Variants in RPL36AL observed in about 807,000 individuals in gnomAD.
RPL36AL encodes ribosomal protein eL42-like.
RPL36AL carries 8 observed loss-of-function variants against 7.9 expected under a neutral mutation model. The ratio of observed to expected loss-of-function variants is 1.02; its 90% CI spans 0.60 to 1.84. The LOEUF (loss-of-function observed/expected upper bound fraction) is 1.84. Among genes scored for constraint, RPL36AL ranks in the 40% most tolerant of loss-of-function variants. The pLI, the probability that RPL36AL is intolerant of heterozygous loss-of-function variation, is 0.00. For synonymous variants in RPL36AL, 44 were observed against 44.8 expected (o/e 0.98, Z 0.07); for missense variants, 76 against 126.8 (o/e 0.60, Z 1.93).
At chr14:49,619,579 G>A (rs1231473437) in intron 1 of RPL36AL, among the ~76,000 whole-genome samples, 2 of 151,868 alleles carry the variant, frequency 1.3e-5, no homozygotes, top group Admixed American at 1.3e-4. Flanking sequence ...GCCGTGAGCC[G>A]AGATCGCACC....
intron 1 of RPL36AL, among the ~76,000 whole-genome samples, chr14:49,620,315 C>G (rs575374716): frequency 3.3e-4 from 50 of 152,342 alleles, no homozygotes; most frequent in Non-Finnish European, 6.0e-4. Flanking sequence ...TCACTTTTCC[C>G]CTCCGAAGCA....
Position 49,619,075 on chromosome 14 carries a change from G to T in RPL36AL, c.30C>A (p.Thr10=). 1 of 1,612,244 alleles carries T rather than the reference G, an allele frequency of 6.2e-7. No individual in the cohort carries two copies. Residue 10 remains threonine, a synonymous_variant, in exon 2 of 2, where the codon ACC becomes ACA. Transcript: ENST00000298289. The part of the protein sequence containing the change: MVNVPKTRR[T]FCKKCGKHQP... Reference sequence around the variant, plus strand: ...GATGCTTGCCACACTTCTTACAGAAGGTTCTTCGGGTTTTAGGTACGTTGA... The same window carrying T: ...GATGCTTGCCACACTTCTTACAGAATGTTCTTCGGGTTTTAGGTACGTTGA...
At chr14:49,619,932 G>A (rs1882784604) in intron 1 of RPL36AL, among the ~76,000 whole-genome samples, 1 of 152,118 alleles carries the variant, frequency 6.6e-6, no homozygotes, top group South Asian at 2.1e-4. Flanking sequence ...GGTGTCTGAA[G>A]TCCCATACTG....
At chr14:49,620,297 G>T (rs1418033225) in intron 1 of RPL36AL, among the ~76,000 whole-genome samples, 1 of 152,006 alleles carries the variant, frequency 6.6e-6, no homozygotes, top group Non-Finnish European at 1.5e-5. Context: ...AACCACATCA[G>T]CGTAGTATCA....
At chr14:49,620,135 T>C (rs1450174549) in intron 1 of RPL36AL, among the ~76,000 whole-genome samples, 2 of 152,240 alleles carry the variant, frequency 1.3e-5, no homozygotes, top group South Asian at 4.1e-4. Context: ...GTGCGGTTCA[T>C]CTAATTTTCT....
At position 49,618,853 on chromosome 14, in the gene RPL36AL, G is replaced by A. The variant is rs1054427; in HGVS notation, c.252C>T (p.Ala84=). The part of the protein sequence containing the change: ...EPNCRSKRML[A]IKRCKHFELG... ...GTTCAAAATGCTTGCATCTCTTAATGGCCAGCATCCTCTTGGATCTGCAGT... is the reference window on the plus strand; with the variant it reads ...GTTCAAAATGCTTGCATCTCTTAATAGCCAGCATCCTCTTGGATCTGCAGT... Residue 84 remains alanine, a synonymous_variant, in exon 2 of 2, where the codon GCC becomes GCT. Transcript: ENST00000298289. The A allele has an allele frequency of 0.21, 343,896 of 1,611,324 alleles. 39,425 individuals are homozygous for A. The highest frequency in any genetic ancestry group is 0.32 in the Admixed American group (19,383 of 59,978).
rs2985698 is a variant in RPL36AL at position 49,618,693 on chromosome 14, G to C, written c.*91C>G. ...TAAGTAAAAACCACAAAAAGTTTGC[G>C]TAAGAATATCACTGTATTTATTTTC... On this transcript the variant is annotated 3_prime_UTR_variant, in exon 2 of 2. Coordinates refer to ENST00000298289, the MANE Select transcript of RPL36AL (RefSeq NM_001001.5). 12 of 1,072,392 alleles carry C rather than the reference G, an allele frequency of 1.1e-5. No individual in the cohort carries two copies. The highest frequency in any genetic ancestry group is 1.5e-5 in the South Asian group (1 of 65,504). The allele number at this position is 1,072,392 out of a possible 1,614,324, so 66.4% of individuals were successfully genotyped here.
Position 49,618,698 on chromosome 14 carries a change from A to G in RPL36AL, c.*86T>C, listed in dbSNP as rs1882737949. ...AAAAACCACAAAAAGTTTGCGTAAG[A>G]ATATCACTGTATTTATTTTCCCTCG... is the stretch of plus-strand genomic sequence containing the variant. On this transcript the variant is annotated 3_prime_UTR_variant, in exon 2 of 2. Transcript: ENST00000298289. 1 of 1,125,806 alleles carries G rather than the reference A, an allele frequency of 8.9e-7. No individual in the cohort carries two copies. The highest frequency in any genetic ancestry group is 1.3e-6 in the Non-Finnish European group (1 of 778,156). The allele number at this position is 1,125,806 out of a possible 1,614,324, so 69.7% of individuals were successfully genotyped here. A position where few individuals can be genotyped will look rare whatever the true frequency, so the allele number is the denominator to read the frequency against.
At position 49,619,119 on chromosome 14, in the gene RPL36AL, T is replaced by C; in HGVS notation, c.-15A>G. ...ACGTTGACCATCTTTGCAGCAGGGCTGTTTTGTCTATATGATGAAAACTGT... is the reference window on the plus strand; with the variant it reads ...ACGTTGACCATCTTTGCAGCAGGGCCGTTTTGTCTATATGATGAAAACTGT... On this transcript the variant is annotated 5_prime_UTR_variant, in exon 2 of 2. Coordinates refer to ENST00000298289, the MANE Select transcript of RPL36AL (RefSeq NM_001001.5). 1 of 1,591,200 alleles carries C rather than the reference T, an allele frequency of 6.3e-7. No individual in the cohort carries two copies. Among genetic ancestry groups the C allele is most frequent in the Non-Finnish European group, 8.6e-7 (1 of 1,167,564 alleles).
intron 1 of RPL36AL, among the ~76,000 whole-genome samples, chr14:49,619,562 G>A (rs1050621540): frequency 1.3e-5 from 2 of 152,056 alleles, no homozygotes; most frequent in African/African-American, 4.8e-5. Flanking sequence ...GGGGAGGGGC[G>A]GAGGTTGCCG....
rs34789858 is a variant in RPL36AL, at chr14:49,619,635, A to AT, written c.-36-496_-36-495insA. On this transcript the variant is annotated intron_variant, in intron 1 of 1. Coordinates refer to ENST00000298289, the MANE Select transcript of RPL36AL (RefSeq NM_001001.5). ...ACAACAGCGGAATTACGTCTCAAAA[A>AT]AAAAAAAGAACTGAGGCACAATTCA... is the stretch of plus-strand genomic sequence containing the variant. 1.1e-3 allele frequency among the ~76,000 whole-genome samples: 171 copies of AT among 152,006 alleles called. 3 individuals are homozygous for AT. The East Asian group carries it at 0.019, about 16-fold the overall frequency.
Position 49,618,981 on chromosome 14 carries a change from C to T in RPL36AL, c.124G>A (p.Asp42Asn). The change falls in exon 2 of 2, where the codon GAT (aspartate) becomes AAT (asparagine). Residue 42 changes from aspartate to asparagine, a missense_variant. Physicochemically the swap from Asp to Asn is conservative, Grantham distance 23. Coordinates refer to ENST00000298289, the MANE Select transcript of RPL36AL (RefSeq NM_001001.5). ...SLYAQGRRRY[D>N]RKQSGYGGQT... The stretch of plus-strand genomic sequence containing the variant: ...CCACCATAGCCACTCTGCTTCCGAT[C>T]ATAGCGCCTCCTTCCCTGGGCATAC... 1.2e-6 allele frequency: 2 copies of T among 1,613,986 alleles called. No individual in the cohort carries two copies. Among genetic ancestry groups the T allele is most frequent in the Non-Finnish European group, 8.5e-7 (1 of 1,179,878 alleles).
chr14:49,620,003 T>C (rs953039519), intron 1 of RPL36AL, among the ~76,000 whole-genome samples: 10 of 152,166 alleles, frequency 6.6e-5, no homozygotes, highest in African/African-American at 2.4e-4. Flanking sequence ...CTCCGAGCCA[T>C]TCTTCTTTTC....
rs763852353 is a variant in RPL36AL at position 49,619,132 on chromosome 14, T to C, written c.-28A>G. On this transcript the variant is annotated 5_prime_UTR_variant, in exon 2 of 2. Coordinates refer to ENST00000298289, the MANE Select transcript of RPL36AL (RefSeq NM_001001.5). Reference sequence around the variant, plus strand: ...TTGCAGCAGGGCTGTTTTGTCTATATGATGAAAACTGTAGTAAAATATTTA... The same window carrying C: ...TTGCAGCAGGGCTGTTTTGTCTATACGATGAAAACTGTAGTAAAATATTTA... 6.4e-7 allele frequency: 1 copy of C among 1,552,362 alleles called. No homozygotes were observed. Among genetic ancestry groups the C allele is most frequent in the South Asian group, 1.2e-5 (1 of 82,736 alleles).
chr14:49,619,099 G>C lies in RPL36AL; in HGVS notation c.6C>G (p.Val2=). 1 of 1,606,948 alleles carries C rather than the reference G, an allele frequency of 6.2e-7. No homozygotes were observed. Among genetic ancestry groups the C allele is most frequent in the Admixed American group, 1.7e-5 (1 of 59,666 alleles). ...AGGTTCTTCGGGTTTTAGGTACGTT[G>C]ACCATCTTTGCAGCAGGGCTGTTTT... M[V]NVPKTRRTFC... The change falls in exon 2 of 2, where the codon GTC becomes GTG. Residue 2 remains valine (V), a synonymous_variant. Coordinates refer to ENST00000298289, the MANE Select transcript of RPL36AL (RefSeq NM_001001.5).
In RPL36AL at chr14:49,618,661, CTATTTA is replaced by C. The variant is rs1882736842; in HGVS notation, c.*117_*122del. On this transcript the variant is annotated 3_prime_UTR_variant, in exon 2 of 2. Transcript: ENST00000298289. Reference sequence around the variant, plus strand: ...GTGGGACTACACTAAACATGGAATTCTATTTATAAGTAAAAACCACAAAAAGTTTGC... The same window carrying C: ...GTGGGACTACACTAAACATGGAATTCTAAGTAAAAACCACAAAAAGTTTGC... 1.2e-5 allele frequency: 9 copies of C among 731,202 alleles called. No homozygotes were observed. The highest frequency in any genetic ancestry group is 3.7e-5 in the South Asian group (2 of 54,688). 45.3% of individuals were successfully genotyped at this position (731,202 alleles called of 1,614,324 possible). A position where few individuals can be genotyped will look rare whatever the true frequency, so the allele number is the denominator to read the frequency against.
chr14:49,620,606 T>C lies in RPL36AL; in HGVS notation c.-81A>G, dbSNP rs1003647744. On this transcript the variant is annotated 5_prime_UTR_variant, in exon 1 of 2. Transcript: ENST00000298289. ...CCTGGCCCTTCGCAGCTCTCGCCTT[T>C]CGCAGCTCTCGCCTAACAGGAAAGG... 24 of 222,942 alleles carry C rather than the reference T, an allele frequency of 1.1e-4. No homozygotes were observed. The highest frequency in any genetic ancestry group is 1.5e-4 in the Non-Finnish European group (17 of 113,798). 13.8% of individuals were successfully genotyped at this position (222,942 alleles called of 1,614,324 possible).
intron 1 of RPL36AL, 150 bp from the exon 2 acceptor site, chr14:49,619,290 A>G: frequency 1.7e-6 from 1 of 581,086 alleles, no homozygotes; most frequent in Non-Finnish European, 3.0e-6. Flanking sequence ...AAACGCACAT[A>G]CAAGTACATA....
Position 49,619,272 on chromosome 14 carries a change from A to G in RPL36AL, c.-36-132T>C, listed in dbSNP as rs148278078. ...TAAATCCACCACGTACTCTTTTTCC[A>G]TATGAATAAACGCACATACAAGTAC... On this transcript the variant is annotated intron_variant, in intron 1 of 1. Transcript: ENST00000298289. 2.1e-4 allele frequency: 126 copies of G among 604,900 alleles called. No homozygotes were observed. The East Asian group carries it at 3.4e-3, about 16-fold the overall frequency. 37.5% of individuals were successfully genotyped at this position (604,900 alleles called of 1,614,324 possible).
Sources: gnomAD v4.1 joint callset for allele counts (sites outside exome capture counted in the v4.1 genomes callset) on GRCh38, gnomAD v4.1.1 for gene constraint, MANE v1.5 for transcripts, NCBI Gene and HGNC (gene_info 2026-07-23, HGNC 2026-07-21) for gene names.